The following UNC80 variants were observed in gnomAD, a reference collection of about 807,000 sequenced individuals.
UNC80 encodes protein unc-80 homolog.
UNC80 carries 164 observed loss-of-function variants against 384.6 expected under a neutral mutation model. That is an observed-to-expected ratio of 0.43 (90% CI 0.38 to 0.49). The LOEUF (loss-of-function observed/expected upper bound fraction) is 0.49, where lower values mean the gene tolerates loss of function less well. Among genes scored for constraint, UNC80 ranks in the 20% least tolerant of loss-of-function variants. UNC80 has a pLI of 0.00. For synonymous variants in UNC80, 1,486 were observed against 1,527.8 expected (o/e 0.97, Z 0.64); for missense variants, 3,330 against 4,143.0 (o/e 0.80, Z 5.39).
intron 7 of UNC80, chr2:209,808,767 T>TTCTGCACTACTCAGCGACCTCGTTGCC (rs2079103769): frequency 6.8e-5 from 4 of 59,206 alleles, no homozygotes; most frequent in South Asian, 1.0e-4. Flanking sequence ...CCTGCGCTAC[T>TTCTGCACTACTCAGCGACCTCGTTGCC]TCTGCGCTAC....
chr2:209,993,614 G>A (rs562922303), intron 63 of UNC80, among the ~76,000 whole-genome samples, 188 bp downstream of exon 63: 15 of 152,200 alleles, frequency 9.9e-5, no homozygotes, highest in Admixed American at 8.5e-4. Context: ...GTCCCTGTCT[G>A]TACCCCCATG....
chr2:209,936,899 T>G lies in UNC80; in HGVS notation c.6329T>G (p.Met2110Arg). 1.3e-6 allele frequency: 2 copies of G among 1,551,200 alleles called. No individual in the cohort carries two copies. The highest frequency in any genetic ancestry group is 1.7e-6 in the Non-Finnish European group (2 of 1,146,528). The change falls in exon 41 of 65, where the codon ATG (methionine) becomes AGG (arginine). Residue 2110 changes from methionine to arginine, a missense_variant. Around this residue, in one of 8 missense-constraint regions of UNC80, gnomAD observed 1,049 missense variants for 1,488.6 expected, o/e 0.70. Transcript: ENST00000673920. ...PESQSTHYFL[M>R]DKRWNLIHYN... ...TCCCAGTCAACACATTATTTTCTTA[T>G]GGATAAACGATGGAACCTTATCCAC...
chr2:209,938,998 A>G (rs927756150), intron 42 of UNC80, among the ~76,000 whole-genome samples: 10 of 152,204 alleles, frequency 6.6e-5, no homozygotes, highest in African/African-American at 2.4e-4. Context: ...TCAAGGACCT[A>G]TGAGCTTCTG....
At chr2:209,855,674 A>C in intron 22 of UNC80, among the ~76,000 whole-genome samples, 1 of 152,096 alleles carries the variant, frequency 6.6e-6, no homozygotes, top group East Asian at 1.9e-4. Flanking sequence ...CCACATTGGT[A>C]TGTGTCTTTA....
At position 209,839,122 on chromosome 2, in the gene UNC80, C is replaced by A; in HGVS notation, c.3042-100C>A. ...TTTCAGCCCATCAAAGATCATTTTG[C>A]ATGATTTGCCTAAATATCATTGACA... On this transcript the variant is annotated intron_variant, in intron 18 of 64. Transcript: ENST00000673920. The surrounding 1 kb of genome is among the most constrained non-coding windows in gnomAD (Gnocchi z 4.1). 1 of 1,088,342 alleles carries A rather than the reference C, an allele frequency of 9.2e-7. No individual in the cohort carries two copies. Among genetic ancestry groups the A allele is most frequent in the African/African-American group, 1.6e-5 (1 of 63,816 alleles). 67.4% of individuals were successfully genotyped at this position (1,088,342 alleles called of 1,614,324 possible).
At chr2:209,841,728 A>G (rs915586358) in intron 20 of UNC80, among the ~76,000 whole-genome samples, 1 of 152,224 alleles carries the variant, frequency 6.6e-6, no homozygotes, top group Non-Finnish European at 1.5e-5. Context: ...ACTATAGCAT[A>G]TTTAGAAAAT....
rs2153827723 is a variant in UNC80 at position 209,819,072 on chromosome 2, T to C, written c.1773T>C (p.Phe591=). 2 of 1,552,014 alleles carry C rather than the reference T, an allele frequency of 1.3e-6. No individual in the cohort carries two copies. The highest frequency in any genetic ancestry group is 8.7e-7 in the Non-Finnish European group (1 of 1,147,058). The change falls in exon 12 of 65, where the codon TTT becomes TTC. Residue 591 remains phenylalanine, a synonymous_variant. Transcript: ENST00000673920. Reference sequence around the variant, plus strand: ...CATTCAACGTAGGCTATGCAGACTTTTTCAATGAGCATATGAGGAAACTCT... The same window carrying C: ...CATTCAACGTAGGCTATGCAGACTTCTTCAATGAGCATATGAGGAAACTCT... ...LASFNVGYAD[F]FNEHMRKLCN...
chr2:209,867,204 C>T (rs1489422849), intron 22 of UNC80, among the ~76,000 whole-genome samples: 2 of 152,166 alleles, frequency 1.3e-5, no homozygotes, highest in Non-Finnish European at 2.9e-5. Context: ...TGCAAATTTC[C>T]AGGCCCTACA....
At chr2:209,866,519 C>T (rs1055134589) in intron 22 of UNC80, among the ~76,000 whole-genome samples, 2 of 141,358 alleles carry the variant, frequency 1.4e-5, no homozygotes, top group East Asian at 2.1e-4. Flanking sequence ...CACACACACA[C>T]ACACACACAC....
intron 51 of UNC80, among the ~76,000 whole-genome samples, chr2:209,965,548 G>A (rs2092718246): frequency 6.6e-6 from 1 of 151,568 alleles, no homozygotes; most frequent in African/African-American, 2.4e-5. Flanking sequence ...AGCCTCCCGA[G>A]TAGTTGGGAT....
chr2:209,888,026 G>A (rs2085985521), intron 25 of UNC80, 69 bp from the exon 26 acceptor site: 4 of 1,474,256 alleles, frequency 2.7e-6, no homozygotes, highest in South Asian at 1.3e-5. Flanking sequence ...AATGGTGGGA[G>A]GCTTGCCGCG....
In UNC80 at chr2:209,965,899, A is replaced by T. The variant is rs760860753; in HGVS notation, c.7806-1538A>T. On this transcript the variant is annotated intron_variant, in intron 51 of 64. Coordinates refer to ENST00000673920, the MANE Select transcript of UNC80 (RefSeq NM_001371986.1). ...CCTAAGATTCCATGACTCAGAGAAG[A>T]TTATCTTCAGAGCTTTTCCAGTACA... 1.9e-4 allele frequency among the ~76,000 whole-genome samples: 29 copies of T among 151,332 alleles called. 1 individual carries two copies. The highest frequency in any genetic ancestry group is 3.7e-4 in the Non-Finnish European group (25 of 67,890).
chr2:209,871,765 G>T (rs1431469097), intron 22 of UNC80, among the ~76,000 whole-genome samples: 2 of 146,620 alleles, frequency 1.4e-5, no homozygotes, highest in Non-Finnish European at 1.5e-5. Context: ...TAGAGTATTT[G>T]ATTCTTACCA....
At chr2:209,905,425 G>A (rs1446908526) in intron 29 of UNC80, among the ~76,000 whole-genome samples, 3 of 152,144 alleles carry the variant, frequency 2.0e-5, no homozygotes, top group Non-Finnish European at 4.4e-5. Context: ...CAGAGCCAGA[G>A]AAGGAAATGT....
At position 209,777,272 on chromosome 2, in the gene UNC80, T is replaced by C. The variant is rs2076920833; in HGVS notation, c.313T>C (p.Leu105=). The change falls in exon 4 of 65, where the codon TTG becomes CTG. Residue 105 remains leucine, a synonymous_variant. Coordinates refer to ENST00000673920, the MANE Select transcript of UNC80 (RefSeq NM_001371986.1). The part of the protein sequence containing the change: ...NRNKLGHQDK[L]GVAETKLLHT... ...GTCCCATGCAGGCCACCAGGATAAA[T>C]TGGGTGTTGCTGAGACAAAGCTCCT... 6.3e-6 allele frequency: 10 copies of C among 1,595,320 alleles called. No homozygotes were observed. Among genetic ancestry groups the C allele is most frequent in the African/African-American group, 1.3e-5 (1 of 74,094 alleles).
rs78104291 is a variant in UNC80 at position 209,789,812 on chromosome 2, A to G, written c.798+207A>G. 5.2e-4 allele frequency among the ~76,000 whole-genome samples: 79 copies of G among 152,156 alleles called. 2 individuals carry two copies. In the East Asian group the frequency reaches 0.015, roughly 29 times the overall value. On this transcript the variant is annotated intron_variant, in intron 6 of 64. Transcript: ENST00000673920. ...TCTCCCCAAAGCGTGCAGGTGTGGA[A>G]ATAAGACCATATACGACTAGTATTT...
At chr2:209,939,698 A>T in intron 43 of UNC80, 46 bp downstream of exon 43, 2 of 1,454,692 alleles carry the variant, frequency 1.4e-6, no homozygotes, top group African/African-American at 1.4e-5. Context: ...TTTCTAACAC[A>T]CTTGTTGTTT....
intron 7 of UNC80, chr2:209,808,767 T>TTCTGCGCTACTCAGAGACCTCGTTGCC: frequency 3.4e-5 from 2 of 59,206 alleles, no homozygotes. Flanking sequence ...CCTGCGCTAC[T>TTCTGCGCTACTCAGAGACCTCGTTGCC]TCTGCGCTAC....
intron 29 of UNC80, among the ~76,000 whole-genome samples, chr2:209,907,213 C>T (rs1038868422): frequency 4.0e-5 from 6 of 149,940 alleles, no homozygotes; most frequent in African/African-American, 7.4e-5. Flanking sequence ...GCCAGCCAGC[C>T]GTTCATCTAT....
Sources: allele counts gnomAD v4.1 joint callset (sites outside exome capture counted in the v4.1 genomes callset), GRCh38; gene constraint gnomAD v4.1.1; regional missense constraint gnomAD v4.1.1; non-coding constraint Gnocchi (gnomAD v3.1); transcripts MANE v1.5; gene names NCBI Gene and HGNC (gene_info 2026-07-23, HGNC 2026-07-21).